The following CADPS2 variants were observed in gnomAD, a reference collection of about 807,000 sequenced individuals.
CADPS2 encodes the protein calcium-dependent secretion activator 2.
Under a neutral mutation model 172.5 loss-of-function variants are expected in CADPS2, and 93 were observed. The ratio of observed to expected loss-of-function variants is 0.54; its 90% CI spans 0.46 to 0.64. The LOEUF is 0.64. CADPS2 is among the 30% of genes least tolerant of loss of function. The probability of loss-of-function intolerance (pLI) is 0.00; values close to 1 mark genes in which losing one functional copy is unlikely to be tolerated. For missense variants in CADPS2, 1,420 were observed against 1,565.9 expected (o/e 0.91, Z 1.57); for synonymous variants, 546 against 555.2 (o/e 0.98, Z 0.23).
chr7:122,649,846 T>C (rs2078947400), intron 3 of CADPS2, among the ~76,000 whole-genome samples: 1 of 150,994 alleles, frequency 6.6e-6, no homozygotes, highest in South Asian at 2.1e-4. Flanking sequence ...TTGTCATTTA[T>C]GTATTTTCAC....
chr7:122,355,479 G>A (rs1461918876), intron 27 of CADPS2, among the ~76,000 whole-genome samples: 2 of 151,994 alleles, frequency 1.3e-5, no homozygotes, highest in African/African-American at 4.8e-5. Flanking sequence ...TACTTCGGAA[G>A]CTGAGGCACG....
chr7:122,748,354 A>C (rs1489918493), intron 1 of CADPS2, among the ~76,000 whole-genome samples: 2 of 152,174 alleles, frequency 1.3e-5, no homozygotes, highest in Non-Finnish European at 2.9e-5. Context: ...ACTCTCACGC[A>C]GGAAGAACTT....
chr7:122,788,052 T>C (rs992022716), intron 1 of CADPS2, among the ~76,000 whole-genome samples: 5 of 152,090 alleles, frequency 3.3e-5, no homozygotes, highest in South Asian at 2.1e-4. Flanking sequence ...ACTGAGAAAG[T>C]AGAAGTTAAC....
chr7:122,631,092 T>A (rs34182275), intron 3 of CADPS2, among the ~76,000 whole-genome samples: 1 of 152,090 alleles, frequency 6.6e-6, no homozygotes, highest in Admixed American at 6.6e-5. Flanking sequence ...AATCTCTCAT[T>A]CCAAGCTCCT....
rs554989844 is a variant in CADPS2, at chr7:122,420,212, C to T, written c.2477-4048G>A. Among the ~76,000 whole-genome samples, 8 of 152,304 alleles carry T rather than the reference C, an allele frequency of 5.3e-5. No individual in the cohort carries two copies. The South Asian group carries it at 8.3e-4, about 16-fold the overall frequency. ...ATCACACACAAATGCCCCCATTCCACATCTTTAGCCACAAGTATGGAATAA... is the reference window on the plus strand; with the variant it reads ...ATCACACACAAATGCCCCCATTCCATATCTTTAGCCACAAGTATGGAATAA... On this transcript the variant is annotated intron_variant, in intron 17 of 29. Coordinates refer to ENST00000449022, the MANE Select transcript of CADPS2 (RefSeq NM_017954.11).
chr7:122,838,189 T>C (rs1216336959), intron 1 of CADPS2, among the ~76,000 whole-genome samples: 1 of 152,162 alleles, frequency 6.6e-6, no homozygotes, highest in East Asian at 1.9e-4. Context: ...CACATGATTA[T>C]CTCAACAGAT....
intron 2 of CADPS2, among the ~76,000 whole-genome samples, chr7:122,720,098 G>A (rs1436834456): frequency 3.3e-5 from 5 of 152,036 alleles, no homozygotes; most frequent in African/African-American, 9.7e-5. Context: ...ATAATCAGTG[G>A]ATACTTGAAA....
intron 11 of CADPS2, among the ~76,000 whole-genome samples, chr7:122,485,260 G>A (rs1028614710): frequency 9.9e-5 from 15 of 152,182 alleles, no homozygotes; most frequent in African/African-American, 3.6e-4. Context: ...TAGTGAGCAA[G>A]GCATGTCAAA....
chr7:122,459,929 A>G (rs188710781), intron 14 of CADPS2, among the ~76,000 whole-genome samples: 35 of 152,320 alleles, frequency 2.3e-4, no homozygotes, highest in Admixed American at 1.9e-3. Context: ...GAAGGGCAAA[A>G]GTATAAACAT....
chr7:122,541,895 A>G (rs982836068), intron 8 of CADPS2, among the ~76,000 whole-genome samples: 1 of 146,192 alleles, frequency 6.8e-6, no homozygotes, highest in African/African-American at 2.5e-5. Context: ...ATTCATATAT[A>G]TTTATATATT....
intron 14 of CADPS2, among the ~76,000 whole-genome samples, chr7:122,452,885 ATATG>A (rs752781950): frequency 5.9e-5 from 9 of 152,184 alleles, no homozygotes; most frequent in Non-Finnish European, 1.2e-4. Flanking sequence ...ACATATAATC[ATATG>A]TATGTGTGTG....
intron 1 of CADPS2, among the ~76,000 whole-genome samples, chr7:122,767,073 T>C (rs868428695): frequency 3.9e-5 from 6 of 152,164 alleles, no homozygotes; most frequent in Non-Finnish European, 4.4e-5. Context: ...TGAGAGACAG[T>C]TGCCTTCCAA....
At chr7:122,520,446 C>G (rs961548149) in intron 8 of CADPS2, among the ~76,000 whole-genome samples, 1 of 151,676 alleles carries the variant, frequency 6.6e-6, no homozygotes, top group African/African-American at 2.4e-5. Context: ...CCTTTAAATA[C>G]TATATATTCT....
intron 19 of CADPS2, chr7:122,413,232 G>A (rs1158780899): frequency 6.6e-6 from 1 of 152,214 alleles, no homozygotes. Context: ...ATGGAGAGTT[G>A]TCAGATCAGT....
At chr7:122,327,548 T>C (rs138329102) in intron 28 of CADPS2, among the ~76,000 whole-genome samples, 3 of 152,100 alleles carry the variant, frequency 2.0e-5, no homozygotes, top group Non-Finnish European at 4.4e-5. Context: ...GTTGTATAAA[T>C]TTGAGGGAAA....
chr7:122,342,543 C>A (rs1309797794), intron 28 of CADPS2, among the ~76,000 whole-genome samples: 1 of 152,134 alleles, frequency 6.6e-6, no homozygotes, highest in Non-Finnish European at 1.5e-5. Context: ...TACATGCTTT[C>A]CAAAAATGTT....
chr7:122,803,987 A>C (rs1041581485), intron 1 of CADPS2, among the ~76,000 whole-genome samples: 1 of 146,620 alleles, frequency 6.8e-6, no homozygotes, highest in Non-Finnish European at 1.5e-5. Context: ...AAAAAAAAAA[A>C]AAAAAAAAAA....
intron 3 of CADPS2, among the ~76,000 whole-genome samples, chr7:122,651,168 A>C (rs2079110589): frequency 6.6e-6 from 1 of 152,004 alleles, no homozygotes; most frequent in Non-Finnish European, 1.5e-5. Flanking sequence ...TATCCAATGT[A>C]ACTGTCAGTA....
intron 7 of CADPS2, among the ~76,000 whole-genome samples, chr7:122,564,894 T>A (rs1477886927): frequency 1.4e-5 from 2 of 147,926 alleles, no homozygotes; most frequent in African/African-American, 5.0e-5. Flanking sequence ...TACCCAGACA[T>A]AAGAGAGAAT....
Sources: allele counts gnomAD v4.1 joint callset (sites outside exome capture counted in the v4.1 genomes callset), GRCh38; gene constraint gnomAD v4.1.1; transcripts MANE v1.5; gene names NCBI Gene and HGNC (gene_info 2026-07-23, HGNC 2026-07-21).